Variants in XNDC1N observed in about 807,000 individuals in gnomAD.
The protein encoded by XNDC1N is protein XNDC1N.
At chr11:71,902,694 T>C in the XNDC1N span, among the ~76,000 whole-genome samples, 1 of 152,274 alleles carries the variant, frequency 6.6e-6, no homozygotes, top group Non-Finnish European at 1.5e-5. Flanking sequence ...TTCCATTTCA[T>C]TTCCAGATGG....
the XNDC1N span, chr11:71,903,259 G>A: frequency 1.3e-5 from 15 of 1,156,834 alleles, no homozygotes; most frequent in Non-Finnish European, 2.0e-5. Flanking sequence ...ATCCAGAACT[G>A]CAGCCGGTCG....
the XNDC1N span, chr11:71,878,322 A>C: frequency 1.2e-5 from 11 of 917,586 alleles, no homozygotes; most frequent in Admixed American, 1.2e-4. Flanking sequence ...TCATTGAAAC[A>C]CAGAAATGTT....
At chr11:71,888,505 C>T in the XNDC1N span, among the ~76,000 whole-genome samples, 3 of 152,238 alleles carry the variant, frequency 2.0e-5, no homozygotes, top group African/African-American at 4.8e-5. Context: ...TGGGGCTACC[C>T]GATCTAACAA....
chr11:71,928,100 G>A, the XNDC1N span: 1 of 251,426 alleles, frequency 4.0e-6, no homozygotes, highest in East Asian at 1.1e-4. Context: ...ATAAAAAGGA[G>A]GGTAAGGCAG....
the XNDC1N span, among the ~76,000 whole-genome samples, chr11:71,924,187 T>G: frequency 6.6e-6 from 1 of 152,150 alleles, no homozygotes; most frequent in Non-Finnish European, 1.5e-5. Context: ...ATTCCTCTAC[T>G]AGACATCATC....
chr11:71,886,992 G>C, the XNDC1N span, among the ~76,000 whole-genome samples: 1 of 152,136 alleles, frequency 6.6e-6, no homozygotes, highest in African/African-American at 2.4e-5. Context: ...AATGCCCTCA[G>C]CTCAAAAGAA....
the XNDC1N span, chr11:71,926,107 G>GA: frequency 0.011 from 1,567 of 138,736 alleles, 15 homozygotes; most frequent in African/African-American, 0.036. Context: ...TCCCATCTCT[G>GA]AAAAAAAAAA....
chr11:71,901,087 C>T, the XNDC1N span, among the ~76,000 whole-genome samples: 116 of 152,260 alleles, frequency 7.6e-4, no homozygotes, highest in African/African-American at 2.5e-3. Flanking sequence ...ATGGAAAGGA[C>T]AGCTGAGATC....
the XNDC1N span, among the ~76,000 whole-genome samples, chr11:71,869,670 C>T: frequency 9.2e-5 from 14 of 152,138 alleles, no homozygotes; most frequent in African/African-American, 3.4e-4. Context: ...TCCTTAGATT[C>T]CTTGAATTTG....
the XNDC1N span, among the ~76,000 whole-genome samples, chr11:71,893,233 T>C: frequency 1.3e-5 from 2 of 152,234 alleles, no homozygotes; most frequent in African/African-American, 4.8e-5. Context: ...TCTAATATTC[T>C]TCAGTGGATT....
chr11:71,908,561 C>T, the XNDC1N span, among the ~76,000 whole-genome samples: 5 of 152,086 alleles, frequency 3.3e-5, no homozygotes, highest in Non-Finnish European at 7.3e-5. Flanking sequence ...CAGCGATATA[C>T]TGGGTTAGAT....
the XNDC1N span, among the ~76,000 whole-genome samples, chr11:71,910,629 A>C: frequency 1.3e-5 from 2 of 152,202 alleles, no homozygotes; most frequent in South Asian, 2.1e-4. Flanking sequence ...CTGTGGGTAG[A>C]AGGTGTCCAA....
the XNDC1N span, among the ~76,000 whole-genome samples, chr11:71,902,251 G>A: frequency 0.039 from 5,656 of 143,406 alleles, 43 homozygotes; most frequent in African/African-American, 0.1. Flanking sequence ...GCGTGCAGTG[G>A]TGTGATTTCA....
the XNDC1N span, among the ~76,000 whole-genome samples, chr11:71,871,820 A>G: frequency 6.6e-6 from 1 of 152,216 alleles, no homozygotes; most frequent in South Asian, 2.1e-4. Context: ...GAAGCCACTT[A>G]ACACACACTA....
the XNDC1N span, among the ~76,000 whole-genome samples, chr11:71,926,626 C>T: frequency 2.0e-5 from 3 of 152,152 alleles, no homozygotes; most frequent in East Asian, 1.9e-4. Context: ...CTAGGCTGGG[C>T]GTGGTGGCTC....
At chr11:71,878,146 G>A in the XNDC1N span, among the ~76,000 whole-genome samples, 1 of 152,174 alleles carries the variant, frequency 6.6e-6, no homozygotes, top group Non-Finnish European at 1.5e-5. Flanking sequence ...AACTTTTACA[G>A]TTCCTCCAGA....
chr11:71,890,980 G>A, the XNDC1N span, among the ~76,000 whole-genome samples: 249 of 151,958 alleles, frequency 1.6e-3, 1 homozygote, highest in Non-Finnish European at 2.7e-3. Context: ...TCACAGGAGG[G>A]GTGTACTGCC....
At chr11:71,873,143 C>A in the XNDC1N span, among the ~76,000 whole-genome samples, 58 of 144,240 alleles carry the variant, frequency 4.0e-4, no homozygotes, top group African/African-American at 1.6e-3. Flanking sequence ...TTATTGCCTC[C>A]TATTTTGTTT....
the XNDC1N span, among the ~76,000 whole-genome samples, chr11:71,913,112 G>A: frequency 3.3e-5 from 5 of 152,082 alleles, no homozygotes; most frequent in South Asian, 2.1e-4. Flanking sequence ...CACCCTCTGC[G>A]ATATTGAGAG....
Sources: allele counts gnomAD v4.1 joint callset (sites outside exome capture counted in the v4.1 genomes callset), GRCh38; gene constraint gnomAD v4.1.1; transcripts MANE v1.5; gene names NCBI Gene and HGNC (gene_info 2026-07-23, HGNC 2026-07-21).